PUM2: variants seen among roughly 807,000 people sequenced by gnomAD.
The protein encoded by PUM2 is pumilio RNA binding family member 2.
In PUM2, 57 loss-of-function variants were observed where a neutral mutation model predicts 124.5. That is an observed-to-expected ratio of 0.46 (90% confidence interval 0.37 to 0.57). The LOEUF (loss-of-function observed/expected upper bound fraction) is 0.57. Ranked by LOEUF, PUM2 falls within the 20% of genes least tolerant of loss-of-function variation. The pLI, the probability that PUM2 is intolerant of heterozygous loss-of-function variation, is 0.00. For synonymous variants in PUM2, 460 were observed against 446.1 expected (o/e 1.03, Z -0.39); for missense variants, 1,065 against 1,290.6 (o/e 0.83, Z 2.68).
intron 4 of PUM2, 120 bp downstream of exon 4, chr2:20,312,116 T>G: frequency 1.1e-6 from 1 of 907,788 alleles, no homozygotes; most frequent in Non-Finnish European, 1.6e-6. Context: ...CAATAATAGT[T>G]ACAAAATTTC....
At chr2:20,268,583 A>G (rs1055279106) in intron 13 of PUM2, among the ~76,000 whole-genome samples, 1 of 152,148 alleles carries the variant, frequency 6.6e-6, no homozygotes, top group African/African-American at 2.4e-5. Context: ...GCACCACTGC[A>G]CTCTAGCTTG....
intron 13 of PUM2, among the ~76,000 whole-genome samples, chr2:20,276,392 T>C (rs917903205): frequency 6.6e-6 from 1 of 152,096 alleles, no homozygotes; most frequent in East Asian, 1.9e-4. Flanking sequence ...ACTGTAATGG[T>C]TGTAACATTC....
intron 2 of PUM2, among the ~76,000 whole-genome samples, chr2:20,324,228 C>T (rs1033077219): frequency 5.9e-5 from 9 of 152,140 alleles, no homozygotes; most frequent in African/African-American, 2.2e-4. Context: ...AAGGTCATAA[C>T]ACTAGGGAGA....
intron 2 of PUM2, among the ~76,000 whole-genome samples, chr2:20,323,385 T>C (rs74653762): frequency 0.072 from 10,872 of 150,504 alleles, 426 homozygotes; most frequent in Non-Finnish European, 0.088. Flanking sequence ...GAGGTGGAGA[T>C]TGCAGTGAGC....
chr2:20,280,109 G>GT (rs1177742731), intron 12 of PUM2, among the ~76,000 whole-genome samples: 6 of 152,100 alleles, frequency 3.9e-5, no homozygotes, highest in Admixed American at 2.0e-4. Flanking sequence ...TACATCATGG[G>GT]TAGACCAAGG....
In PUM2 at chr2:20,350,819, G is replaced by A. The variant is rs895503791; in HGVS notation, c.-241C>T. ...AGACACAGAGACTCACAACAACATGGCTGCCACCGCCGCCTGCCCTCCCCT... is the reference window on the plus strand; with the variant it reads ...AGACACAGAGACTCACAACAACATGACTGCCACCGCCGCCTGCCCTCCCCT... On this transcript the variant is annotated 5_prime_UTR_variant, in exon 1 of 21. Coordinates refer to ENST00000361078, the MANE Select transcript of PUM2 (RefSeq NM_015317.5). The A allele has an allele frequency of 1.7e-5, 17 of 977,878 alleles. No homozygotes were observed. Among genetic ancestry groups the A allele is most frequent in the Non-Finnish European group, 1.9e-5 (16 of 825,442 alleles). 60.6% of individuals were successfully genotyped at this position (977,878 alleles called of 1,614,324 possible).
chr2:20,308,552 G>T lies in PUM2; in HGVS notation c.551C>A (p.Thr184Asn). 6.2e-7 allele frequency: 1 copy of T among 1,613,842 alleles called. No individual in the cohort carries two copies. The highest frequency in any genetic ancestry group is 1.7e-4 in the Middle Eastern group (1 of 6,058). Reference protein sequence around the residue: ...RTPGSRQASPTEVVERLGPNT... With the variant: ...RTPGSRQASPNEVVERLGPNT... ...GGGGCCCAAGCGCTCAACTACTTCA[G>T]TTGGAGAGGCTTGACGACTTCCAGG... Residue 184 changes from threonine to asparagine, a missense_variant, in exon 6 of 21, where the codon ACT becomes AAT. Coordinates refer to ENST00000361078, the MANE Select transcript of PUM2 (RefSeq NM_015317.5).
At chr2:20,301,965 G>A (rs770128394) in intron 7 of PUM2, among the ~76,000 whole-genome samples, 6 of 152,168 alleles carry the variant, frequency 3.9e-5, no homozygotes, top group Admixed American at 2.0e-4. Context: ...TATATATTTA[G>A]ATGGTTCATA....
chr2:20,283,178 C>T lies in PUM2; in HGVS notation c.1489G>A (p.Gly497Ser). 6.2e-7 allele frequency: 1 copy of T among 1,614,064 alleles called. No homozygotes were observed. Among genetic ancestry groups the T allele is most frequent in the African/African-American group, 1.3e-5 (1 of 75,042 alleles). Reference protein sequence around the residue: ...TASSLTGSTNGLFRPIGTQPP... With the variant: ...TASSLTGSTNSLFRPIGTQPP... ...TGAGTGCCAATTGGCCGAAACAGAC[C>T]ATTTGTGCTGCCTGTAAGGCTACTT... The change falls in exon 12 of 21, where the codon GGT becomes AGT. Residue 497 changes from glycine (G) to serine (S), a missense_variant. Physicochemically the swap from Gly to Ser is moderately conservative, Grantham distance 56 (BLOSUM62 0). Transcript: ENST00000361078.
At position 20,308,714 on chromosome 2, in the gene PUM2, C is replaced by T. The variant is rs559995293; in HGVS notation, c.519-130G>A. ...GAATAAGGCATTCTGGGTCACTATG[C>T]CACCTTATCACATTTTTTTCTATTT... is the stretch of plus-strand genomic sequence containing the variant. On this transcript the variant is annotated intron_variant, in intron 5 of 20. Transcript: ENST00000361078. 11 of 805,058 alleles carry T rather than the reference C, an allele frequency of 1.4e-5. No homozygotes were observed. The South Asian group carries it at 2.2e-4, about 16-fold the overall frequency. The allele number at this position is 805,058 out of a possible 1,614,324, so 49.9% of individuals were successfully genotyped here.
At chr2:20,287,921 T>C (rs901313357) in intron 10 of PUM2, among the ~76,000 whole-genome samples, 1 of 152,200 alleles carries the variant, frequency 6.6e-6, no homozygotes, top group Non-Finnish European at 1.5e-5. Context: ...ATTTTCAATT[T>C]GAGGAGTGCC....
chr2:20,278,761 G>A lies in PUM2; in HGVS notation c.1779C>T (p.Asp593=). The stretch of plus-strand genomic sequence containing the variant: ...GGCTGCTACTAGATCTTTTGTACAA[G>A]TCAGAGCTAGTAGATAGAGACTCTC... ...TRRESLSTSS[D]LYKRSSSSLA... The change falls in exon 13 of 21, where the codon GAC becomes GAT. Residue 593 remains aspartate, a synonymous_variant. Transcript: ENST00000361078. 1 of 1,613,522 alleles carries A rather than the reference G, an allele frequency of 6.2e-7. No homozygotes were observed. The highest frequency in any genetic ancestry group is 1.7e-5 in the Admixed American group (1 of 59,928).
intron 3 of PUM2, among the ~76,000 whole-genome samples, chr2:20,316,099 G>T (rs140322921): frequency 4.6e-5 from 7 of 151,938 alleles, no homozygotes; most frequent in Admixed American, 2.0e-4. Flanking sequence ...ATTCCTTGAG[G>T]ACAAGGGTCA....
At chr2:20,287,291 AAAG>A (rs1346718534) in intron 10 of PUM2, among the ~76,000 whole-genome samples, 4 of 152,230 alleles carry the variant, frequency 2.6e-5, no homozygotes, top group Admixed American at 6.5e-5. Flanking sequence ...AGAAGTACTA[AAAG>A]AAGATGCAAG....
chr2:20,300,337 C>T lies in PUM2; in HGVS notation c.884-2659G>A, dbSNP rs1341784971. Among the ~76,000 whole-genome samples, 5 of 152,190 alleles carry T rather than the reference C, an allele frequency of 3.3e-5. No individual in the cohort carries two copies. In the South Asian group the frequency reaches 6.2e-4, roughly 19 times the overall value. On this transcript the variant is annotated intron_variant, in intron 7 of 20. Transcript: ENST00000361078. Reference sequence around the variant, plus strand: ...GCTAATTTTGTATTTTTAGTAGAGACGGGGTTTCTCCATGTTGGTCAGGCT... The same window carrying T: ...GCTAATTTTGTATTTTTAGTAGAGATGGGGTTTCTCCATGTTGGTCAGGCT...
chr2:20,275,275 A>G (rs189217837), intron 13 of PUM2, among the ~76,000 whole-genome samples: 5 of 152,190 alleles, frequency 3.3e-5, no homozygotes, highest in African/African-American at 7.2e-5. Context: ...GAACTGAAAC[A>G]TATCAATTAT....
intron 1 of PUM2, among the ~76,000 whole-genome samples, chr2:20,341,981 T>C (rs982139047): frequency 2.0e-5 from 3 of 151,934 alleles, no homozygotes; most frequent in East Asian, 1.9e-4. Context: ...ATATAAAAAT[T>C]AGCCAGGTGT....
intron 10 of PUM2, among the ~76,000 whole-genome samples, chr2:20,287,408 G>T (rs796346452): frequency 1.3e-5 from 2 of 152,168 alleles, no homozygotes; most frequent in African/African-American, 4.8e-5. Context: ...AGATGAGAAG[G>T]ATAGTTAATC....
At chr2:20,302,228 T>C (rs1240499980) in intron 7 of PUM2, among the ~76,000 whole-genome samples, 1 of 152,182 alleles carries the variant, frequency 6.6e-6, no homozygotes, top group African/African-American at 2.4e-5. Context: ...TTCTGTCATA[T>C]AAATTCTTGA....
Sources: allele counts gnomAD v4.1 joint callset (sites outside exome capture counted in the v4.1 genomes callset), GRCh38; gene constraint gnomAD v4.1.1; transcripts MANE v1.5; gene names NCBI Gene and HGNC (gene_info 2026-07-23, HGNC 2026-07-21).